The following RABGAP1L variants were observed in gnomAD, a reference collection of about 807,000 sequenced individuals.
RABGAP1L encodes rab GTPase-activating protein 1-like.
A neutral mutation model predicts 137.7 loss-of-function variants in RABGAP1L; 63 were observed. The observed-to-expected ratio is 0.46, with a 90% CI of 0.37 to 0.56. RABGAP1L has a LOEUF of 0.56. Among genes scored for constraint, RABGAP1L ranks in the 20% least tolerant of loss-of-function variants. The pLI is 0.00. For synonymous variants in RABGAP1L, 431 were observed against 433.7 expected (o/e 0.99, Z 0.08); for missense variants, 1,095 against 1,244.0 (o/e 0.88, Z 1.80).
chr1:174,209,387 G>T (rs1247664338), intron 1 of RABGAP1L, among the ~76,000 whole-genome samples: 2 of 152,138 alleles, frequency 1.3e-5, no homozygotes, highest in Non-Finnish European at 2.9e-5. Context: ...ATGAGTCCCA[G>T]GCCAGCCAGC....
rs550115705 is a variant in RABGAP1L at position 174,691,105 on chromosome 1, G to A, written c.1899+7509G>A. On this transcript the variant is annotated intron_variant, in intron 15 of 25. Transcript: ENST00000681986. ...AGCCTCCCAAAGTGCTGGGACTGCA[G>A]GCATGAGCCACCATGCCGGGCCCAT... Among the ~76,000 whole-genome samples, 19 of 152,202 alleles carry A rather than the reference G, an allele frequency of 1.2e-4. No homozygotes were observed. In the South Asian group the frequency reaches 2.9e-3, roughly 23 times the overall value.
chr1:174,867,099 A>C (rs528386216), intron 19 of RABGAP1L, among the ~76,000 whole-genome samples: 2 of 150,816 alleles, frequency 1.3e-5, no homozygotes, highest in South Asian at 2.1e-4. Flanking sequence ...AAAATGATAG[A>C]TAGCCAGCCA....
At chr1:174,789,617 G>GTGTT (rs1687706423) in intron 18 of RABGAP1L, among the ~76,000 whole-genome samples, 1 of 152,156 alleles carries the variant, frequency 6.6e-6, no homozygotes. Context: ...ACAAGTTACT[G>GTGTT]TGTTGTGTCT....
At chr1:174,438,523 G>A (rs188023587) in intron 13 of RABGAP1L, among the ~76,000 whole-genome samples, 5 of 151,860 alleles carry the variant, frequency 3.3e-5, no homozygotes, top group Admixed American at 3.3e-4. Flanking sequence ...TTTGAGGCCA[G>A]CCTGGTCAAC....
intron 14 of RABGAP1L, among the ~76,000 whole-genome samples, chr1:174,655,774 T>C (rs1675923748): frequency 6.6e-6 from 1 of 152,214 alleles, no homozygotes; most frequent in Admixed American, 6.5e-5. Context: ...TCATTATTTG[T>C]TTTGGTGTTC....
At chr1:174,334,648 T>C (rs1240151448) in intron 11 of RABGAP1L, among the ~76,000 whole-genome samples, 2 of 152,184 alleles carry the variant, frequency 1.3e-5, no homozygotes, top group African/African-American at 4.8e-5. Flanking sequence ...TGCTCTTCCC[T>C]CTCTACCTGG....
At chr1:174,864,493 T>C (rs780583231) in intron 19 of RABGAP1L, among the ~76,000 whole-genome samples, 6 of 152,166 alleles carry the variant, frequency 3.9e-5, no homozygotes, top group Non-Finnish European at 8.8e-5. Context: ...GAAGCAAACA[T>C]GTTCTTCTTC....
At chr1:174,925,438 T>C (rs1442900574) in intron 19 of RABGAP1L, among the ~76,000 whole-genome samples, 1 of 149,692 alleles carries the variant, frequency 6.7e-6, no homozygotes, top group Non-Finnish European at 1.5e-5. Flanking sequence ...GGAGCATGTC[T>C]GGTGTACCGG....
chr1:174,975,708 G>A (rs999723756), intron 21 of RABGAP1L, among the ~76,000 whole-genome samples: 6 of 152,328 alleles, frequency 3.9e-5, no homozygotes, highest in Non-Finnish European at 7.3e-5. Flanking sequence ...GAGTGCTGCT[G>A]TAACATCTAA....
intron 19 of RABGAP1L, among the ~76,000 whole-genome samples, chr1:174,826,841 G>A (rs1241112436): frequency 1.3e-5 from 2 of 152,114 alleles, no homozygotes; most frequent in Non-Finnish European, 2.9e-5. Flanking sequence ...CATTCTGACT[G>A]GTGTGACATG....
intron 13 of RABGAP1L, among the ~76,000 whole-genome samples, chr1:174,437,708 A>C (rs903855316): frequency 1.3e-5 from 2 of 152,174 alleles, no homozygotes; most frequent in Admixed American, 6.5e-5. Flanking sequence ...AAATTCAGGA[A>C]ATACAGAGAA....
rs1668662739 is a variant in RABGAP1L, at chr1:174,957,525, G to A, written c.2409G>A (p.Gln803=). The change falls in exon 20 of 26, where the codon CAG becomes CAA. Residue 803 remains glutamine, a synonymous_variant. Transcript: ENST00000681986. ...CAATGCGAGAGAGTCAGCTGCAACA[G>A]GAAGACCCAATGGATAGATACAAGG... ...YQTMRESQLQ[Q]EDPMDRYKRE... is the part of the protein sequence containing the mutation. The A allele has an allele frequency of 1.2e-6, 2 of 1,611,036 alleles. No individual in the cohort carries two copies. The highest frequency in any genetic ancestry group is 1.7e-5 in the Admixed American group (1 of 59,970).
chr1:174,355,958 A>G (rs1448765698), intron 11 of RABGAP1L, among the ~76,000 whole-genome samples: 1 of 152,166 alleles, frequency 6.6e-6, no homozygotes, highest in Non-Finnish European at 1.5e-5. Flanking sequence ...GTTAGCTTTA[A>G]TGGTTTACAT....
At chr1:174,507,540 A>G (rs1266975119) in intron 13 of RABGAP1L, among the ~76,000 whole-genome samples, 3 of 152,086 alleles carry the variant, frequency 2.0e-5, no homozygotes, top group African/African-American at 4.8e-5. Context: ...TCCATCTCTT[A>G]TTTTAGTATT....
chr1:174,881,468 C>G (rs1425490788), intron 19 of RABGAP1L, among the ~76,000 whole-genome samples: 1 of 136,066 alleles, frequency 7.3e-6, no homozygotes, highest in Non-Finnish European at 1.5e-5. Context: ...TAAAATTGTG[C>G]AAGATAAAAA....
At chr1:174,958,029 T>C (rs1668755055) in intron 20 of RABGAP1L, 1 of 1,536,256 alleles carries the variant, frequency 6.5e-7, no homozygotes, top group Admixed American at 2.1e-5. Flanking sequence ...CAAAGTACTG[T>C]TTTAGCTGTG....
intron 10 of RABGAP1L, among the ~76,000 whole-genome samples, chr1:174,292,684 A>G (rs1173809089): frequency 6.6e-6 from 1 of 152,064 alleles, no homozygotes; most frequent in Non-Finnish European, 1.5e-5. Flanking sequence ...GTCTACTGTG[A>G]ATTTTTCAAG....
chr1:174,695,146 G>A (rs1195238667), intron 15 of RABGAP1L, among the ~76,000 whole-genome samples: 1 of 151,932 alleles, frequency 6.6e-6, no homozygotes, highest in Non-Finnish European at 1.5e-5. Flanking sequence ...CCATTTTGTA[G>A]GTTTATGCAT....
chr1:174,911,177 A>G (rs6425303), intron 19 of RABGAP1L, among the ~76,000 whole-genome samples: 58,916 of 151,966 alleles, frequency 0.39, 14,316 homozygotes, highest in African/African-American at 0.69. Flanking sequence ...TTTATATATT[A>G]TGGACAGCAA....
Sources: gnomAD v4.1 joint callset for allele counts (sites outside exome capture counted in the v4.1 genomes callset) on GRCh38, gnomAD v4.1.1 for gene constraint, MANE v1.5 for transcripts, NCBI Gene and HGNC (gene_info 2026-07-23, HGNC 2026-07-21) for gene names.